NAV3: variants seen among roughly 807,000 people sequenced by gnomAD.
NAV3 encodes the protein pore membrane and/or filament interacting like protein 1.
Under a neutral mutation model 244.7 loss-of-function variants are expected in NAV3, and 87 were observed. The observed-to-expected ratio is 0.36, with a 90% CI of 0.30 to 0.42. NAV3 has a LOEUF of 0.42. Among genes scored for constraint, NAV3 ranks in the 20% least tolerant of loss-of-function variants. NAV3 has a pLI of 1.00. For missense variants in NAV3, 2,663 were observed against 2,893.3 expected (o/e 0.92, Z 1.83); for synonymous variants, 1,126 against 1,042.2 (o/e 1.08, Z -1.55).
chr12:77,819,957 A>T (rs894330055), intron 2 of NAV3, among the ~76,000 whole-genome samples: 1 of 152,148 alleles, frequency 6.6e-6, no homozygotes, highest in African/African-American at 2.4e-5. Context: ...CATGAAAAGG[A>T]ACTCTTGAGA....
intron 5 of NAV3, among the ~76,000 whole-genome samples, chr12:77,974,561 G>A (rs1228740623): frequency 1.3e-5 from 2 of 152,058 alleles, no homozygotes; most frequent in East Asian, 3.9e-4. Context: ...GCCTCCCAAA[G>A]TGCTGGGATT....
chr12:77,849,657 T>G (rs934419761), intron 1 of NAV3, among the ~76,000 whole-genome samples: 1 of 152,192 alleles, frequency 6.6e-6, no homozygotes, highest in African/African-American at 2.4e-5. Context: ...ATTATGTATA[T>G]GCAAAGATTC....
intron 2 of NAV3, among the ~76,000 whole-genome samples, chr12:77,596,526 A>T (rs1021043360): frequency 2.0e-5 from 3 of 152,180 alleles, no homozygotes; most frequent in African/African-American, 7.2e-5. Context: ...TTTGATAATC[A>T]CATGTTGAAA....
intron 2 of NAV3, among the ~76,000 whole-genome samples, chr12:77,589,959 A>G (rs1170896702): frequency 1.3e-5 from 2 of 152,214 alleles, no homozygotes; most frequent in African/African-American, 4.8e-5. Context: ...GTCTTTTCCC[A>G]TAGGGTTTTT....
At chr12:77,938,440 G>T (rs1889539581) in intron 1 of NAV3, among the ~76,000 whole-genome samples, 1 of 152,076 alleles carries the variant, frequency 6.6e-6, no homozygotes, top group Admixed American at 6.6e-5. Context: ...AATAAAAGGA[G>T]ATGCAATTTT....
intron 23 of NAV3, among the ~76,000 whole-genome samples, chr12:78,165,835 G>C (rs994391797): frequency 1.3e-5 from 2 of 151,600 alleles, no homozygotes; most frequent in Non-Finnish European, 2.9e-5. Flanking sequence ...AGGAAAACCT[G>C]ACTTTGTTCT....
At chr12:77,812,266 A>G (rs1020437242) in intron 2 of NAV3, among the ~76,000 whole-genome samples, 6 of 152,202 alleles carry the variant, frequency 3.9e-5, no homozygotes, top group East Asian at 1.9e-4. Flanking sequence ...TGGAAACCCA[A>G]TTAATGAGTG....
chr12:77,648,124 A>C (rs1434352293), intron 2 of NAV3, among the ~76,000 whole-genome samples: 1 of 152,124 alleles, frequency 6.6e-6, no homozygotes, highest in Non-Finnish European at 1.5e-5. Context: ...TGCAAAATAA[A>C]ATTGAATATT....
chr12:77,581,619 T>G (rs1235951332), intron 2 of NAV3, among the ~76,000 whole-genome samples: 1 of 152,204 alleles, frequency 6.6e-6, no homozygotes, highest in Non-Finnish European at 1.5e-5. Flanking sequence ...GCTTGCTAGT[T>G]TCCAGTAAAC....
chr12:77,861,082 G>A (rs932456109), intron 1 of NAV3, among the ~76,000 whole-genome samples: 16 of 151,972 alleles, frequency 1.1e-4, no homozygotes, highest in African/African-American at 2.9e-4. Context: ...TCAGCTGAGA[G>A]ATTCAGCTTG....
intron 2 of NAV3, among the ~76,000 whole-genome samples, chr12:77,577,211 C>G (rs998967036): frequency 1.3e-5 from 2 of 152,142 alleles, no homozygotes; most frequent in African/African-American, 4.8e-5. Flanking sequence ...CTTCATACTT[C>G]TATAAGATGA....
intron 2 of NAV3, among the ~76,000 whole-genome samples, chr12:77,778,965 T>A (rs948595573): frequency 6.6e-6 from 1 of 152,256 alleles, no homozygotes; most frequent in Non-Finnish European, 1.5e-5. Flanking sequence ...ATTTGTAATT[T>A]TCTCAAGTTA....
At chr12:78,003,165 A>ATTTTTTTTTTTTT (rs1420500898) in intron 7 of NAV3, among the ~76,000 whole-genome samples, 1 of 147,248 alleles carries the variant, frequency 6.8e-6, no homozygotes, top group African/African-American at 2.5e-5. Context: ...ACGAGCAATT[A>ATTTTTTTTTTTTT]TTTATGCAAA....
intron 2 of NAV3, among the ~76,000 whole-genome samples, chr12:77,734,027 G>A (rs573038011): frequency 1.3e-5 from 2 of 151,732 alleles, no homozygotes; most frequent in African/African-American, 2.4e-5. Context: ...AGAGACTTAA[G>A]GGAAAGAATT....
rs549524852 is a variant in NAV3, at chr12:77,758,876, G to GT, written c.73-181437dup. 3.0e-3 allele frequency among the ~76,000 whole-genome samples: 456 copies of GT among 152,278 alleles called. 3 individuals are homozygous for GT. The highest frequency in any genetic ancestry group is 0.01 in the African/African-American group (435 of 41,566). On this transcript the variant is annotated intron_variant, in intron 2 of 8. Coordinates refer to the NAV3 transcript ENST00000550042. The stretch of plus-strand genomic sequence containing the variant: ...CATTTGAAAAGTTTGAGAATTTAAG[G>GT]TTTTTTATTTAAGAGGCTAGGATTT...
rs547027964 is a variant in NAV3, at chr12:78,089,850, C to T, written c.2637-26922C>T. Among the ~76,000 whole-genome samples, 8 of 152,232 alleles carry T rather than the reference C, an allele frequency of 5.3e-5. No individual in the cohort carries two copies. In the South Asian group the frequency reaches 1.7e-3, roughly 32 times the overall value. ...TATCTATCCAACTTCATCTTCCATT[C>T]CTCTTTAACTTAAACCTTGATCTCC... is the stretch of plus-strand genomic sequence containing the variant. On this transcript the variant is annotated intron_variant, in intron 12 of 39. Coordinates refer to ENST00000397909, the MANE Select transcript of NAV3 (RefSeq NM_001024383.2).
chr12:77,961,640 C>G (rs1346691627), intron 3 of NAV3, among the ~76,000 whole-genome samples: 4 of 139,680 alleles, frequency 2.9e-5, no homozygotes, highest in African/African-American at 2.7e-5. Context: ...ATATATTATG[C>G]AATATATTAT....
chr12:77,591,483 A>G (rs1006963285), intron 2 of NAV3, among the ~76,000 whole-genome samples: 1 of 152,232 alleles, frequency 6.6e-6, no homozygotes, highest in Admixed American at 6.5e-5. Context: ...TATACAGTTC[A>G]TAGTGTTATC....
At chr12:77,974,139 T>C (rs1893250991) in intron 5 of NAV3, among the ~76,000 whole-genome samples, 1 of 152,062 alleles carries the variant, frequency 6.6e-6, no homozygotes, top group Non-Finnish European at 1.5e-5. Flanking sequence ...GGACTCAGAT[T>C]TTAAGTTTCT....
Sources: allele counts gnomAD v4.1 joint callset (sites outside exome capture counted in the v4.1 genomes callset), GRCh38; gene constraint gnomAD v4.1.1; transcripts MANE v1.5; gene names NCBI Gene and HGNC (gene_info 2026-07-23, HGNC 2026-07-21).